The following DENND11 variants were observed in gnomAD, a reference collection of about 807,000 sequenced individuals.
The protein encoded by DENND11 is DENN domain-containing protein 11.
In DENND11, 34 loss-of-function variants were observed where a neutral mutation model predicts 49.2. The observed-to-expected ratio is 0.69, with a 90% CI of 0.53 to 0.92. DENND11 has a LOEUF of 0.92. Among genes scored for constraint, DENND11 ranks in the 40% least tolerant of loss-of-function variants. DENND11 has a pLI of 0.00. For missense variants in DENND11, 475 were observed against 581.6 expected (o/e 0.82, Z 1.88); for synonymous variants, 238 against 230.3 (o/e 1.03, Z -0.30).
chr7:141,665,660 G>T (rs1288313359), intron 5 of DENND11, among the ~76,000 whole-genome samples: 5 of 151,996 alleles, frequency 3.3e-5, no homozygotes, highest in African/African-American at 4.8e-5. Flanking sequence ...AGTCCTTTCT[G>T]TCCTTCCACC....
intron 4 of DENND11, among the ~76,000 whole-genome samples, chr7:141,671,456 C>T (rs1267340392): frequency 1.2e-4 from 18 of 152,202 alleles, no homozygotes; most frequent in African/African-American, 4.1e-4. Flanking sequence ...GGATTACAGG[C>T]GTGAGCCACC....
intron 1 of DENND11, among the ~76,000 whole-genome samples, chr7:141,687,489 A>T (rs577713298): frequency 6.7e-6 from 1 of 149,558 alleles, no homozygotes; most frequent in East Asian, 2.0e-4. Context: ...CTCGAGACTG[A>T]GTTTCACTTT....
rs1241410183 is a variant in DENND11 at position 141,657,759 on chromosome 7, C to T, written c.*4897G>A. On this transcript the variant is annotated 3_prime_UTR_variant, in exon 9 of 9. Coordinates refer to ENST00000536163, the MANE Select transcript of DENND11 (RefSeq NM_001080392.2). Reference sequence around the variant, plus strand: ...AAAGAGGAAAGCAAGGCTTTTGTCTCCATCATCATTTCTTTATATAGCACT... The same window carrying T: ...AAAGAGGAAAGCAAGGCTTTTGTCTTCATCATCATTTCTTTATATAGCACT... The T allele has an allele frequency of 1.3e-5, 2 of 152,584 alleles. No individual in the cohort carries two copies. The highest frequency in any genetic ancestry group is 4.8e-5 in the African/African-American group (2 of 41,446). 9.5% of individuals were successfully genotyped at this position (152,584 alleles called of 1,614,324 possible).
In DENND11 at chr7:141,690,335, A is replaced by G. The variant is rs141704759; in HGVS notation, c.269-3677T>C. 1.7e-4 allele frequency among the ~76,000 whole-genome samples: 26 copies of G among 152,324 alleles called. No homozygotes were observed. In the East Asian group the frequency reaches 4.8e-3, roughly 28 times the overall value. ...CATCACCAAAGCTGGATACAGTAACAGCCTGATCCGCGTTCCCACCTATCT... is the reference window on the plus strand; with the variant it reads ...CATCACCAAAGCTGGATACAGTAACGGCCTGATCCGCGTTCCCACCTATCT... On this transcript the variant is annotated intron_variant, in intron 1 of 8. Transcript: ENST00000536163.
chr7:141,682,219 CTGAA>C (rs1345386887), intron 3 of DENND11, among the ~76,000 whole-genome samples: 1 of 152,168 alleles, frequency 6.6e-6, no homozygotes. Flanking sequence ...GAAGCATGAA[CTGAA>C]TGAGACTCTG....
At chr7:141,673,719 T>C (rs545339730) in intron 4 of DENND11, among the ~76,000 whole-genome samples, 1 of 152,348 alleles carries the variant, frequency 6.6e-6, no homozygotes, top group Non-Finnish European at 1.5e-5. Flanking sequence ...AGAAGTGTCT[T>C]AACTAAGAAA....
Position 141,685,499 on chromosome 7 carries a change from T to G in DENND11, c.506A>C (p.His169Pro), listed in dbSNP as rs771927906. 1 of 1,613,876 alleles carries G rather than the reference T, an allele frequency of 6.2e-7. No individual in the cohort carries two copies. Among genetic ancestry groups the G allele is most frequent in the Non-Finnish European group, 8.5e-7 (1 of 1,179,886 alleles). ...GTACCGAACCTGGTTCTCCAAGAAG[T>G]GCATGTAGCGGTAAAGCAGTGTGTA... Reference protein sequence around the residue: ...PSYTLLYRYMHFLENQVRHQL... With the variant: ...PSYTLLYRYMPFLENQVRHQL... The change falls in exon 3 of 9, where the codon CAC becomes CCC. Residue 169 changes from histidine to proline, a missense_variant. Coordinates refer to ENST00000536163, the MANE Select transcript of DENND11 (RefSeq NM_001080392.2).
rs79765500 is a variant in DENND11 at position 141,665,810 on chromosome 7, C to T, written c.820+477G>A. On this transcript the variant is annotated intron_variant, in intron 5 of 8. Coordinates refer to ENST00000536163, the MANE Select transcript of DENND11 (RefSeq NM_001080392.2). ...CTCCAGCTCAAACGCCCACAGGTCC[C>T]GACCCAGCTAGGCAGGGTGGGCAGA... 4.5e-3 allele frequency among the ~76,000 whole-genome samples: 677 copies of T among 151,852 alleles called. 7 individuals are homozygous for T. Among genetic ancestry groups the T allele is most frequent in the African/African-American group, 0.016 (646 of 41,374 alleles).
At position 141,686,620 on chromosome 7, in the gene DENND11, G is replaced by C. The variant is rs1798247082; in HGVS notation, c.307C>G (p.Leu103Val). 5 of 1,613,210 alleles carry C rather than the reference G, an allele frequency of 3.1e-6. No homozygotes were observed. Among genetic ancestry groups the C allele is most frequent in the Non-Finnish European group, 4.2e-6 (5 of 1,179,464 alleles). The change falls in exon 2 of 9, where the codon CTT becomes GTT. Residue 103 changes from leucine (L) to valine (V), a missense_variant. Transcript: ENST00000536163. ...VEWCLPQDID[L>V]EGVEFKSMAS... The stretch of plus-strand genomic sequence containing the variant: ...ATAGACTTGAACTCAACACCTTCAA[G>C]GTCAATATCTTGAGGTAAGCACCAT...
At chr7:141,665,510 C>T (rs1201184632) in intron 5 of DENND11, among the ~76,000 whole-genome samples, 192 bp from the exon 6 acceptor site, 4 of 152,174 alleles carry the variant, frequency 2.6e-5, no homozygotes, top group Non-Finnish European at 5.9e-5. Context: ...CTCAAGGTGA[C>T]GTCAACAACG....
intron 4 of DENND11, among the ~76,000 whole-genome samples, chr7:141,673,299 A>G (rs147356353): frequency 0.022 from 3,426 of 152,324 alleles, 65 homozygotes; most frequent in Non-Finnish European, 0.037. Context: ...TGCAACAGGT[A>G]CAGATAAATA....
chr7:141,692,627 C>T (rs1759182418), intron 1 of DENND11, among the ~76,000 whole-genome samples: 1 of 151,872 alleles, frequency 6.6e-6, no homozygotes, highest in Non-Finnish European at 1.5e-5. Context: ...AAAATTTATT[C>T]AATATGGAAA....
Position 141,664,198 on chromosome 7 carries a change from G to A in DENND11, c.1146C>T (p.Asn382=). 1.3e-6 allele frequency: 2 copies of A among 1,585,074 alleles called. No homozygotes were observed. Among genetic ancestry groups the A allele is most frequent in the Non-Finnish European group, 1.7e-6 (2 of 1,164,044 alleles). Reference sequence around the variant, plus strand: ...GCACGAAGAGGTCCTCTTCACAAGGGTTGTAGTCTTCTTCTACTTCCTGGG... The same window carrying A: ...GCACGAAGAGGTCCTCTTCACAAGGATTGTAGTCTTCTTCTACTTCCTGGG... ...LYSQEVEEDY[N]PCEEDLFVLF... The change falls in exon 8 of 9, where the codon AAC becomes AAT. Residue 382 remains asparagine (N), a synonymous_variant. Coordinates refer to ENST00000536163, the MANE Select transcript of DENND11 (RefSeq NM_001080392.2).
In DENND11 at chr7:141,701,955, G is replaced by C; in HGVS notation, c.199C>G (p.Leu67Val). 8.4e-7 allele frequency: 1 copy of C among 1,186,880 alleles called. No homozygotes were observed. Among genetic ancestry groups the C allele is most frequent in the Non-Finnish European group, 1.0e-6 (1 of 959,424 alleles). The allele number at this position is 1,186,880 out of a possible 1,614,324, so 73.5% of individuals were successfully genotyped here. Residue 67 changes from leucine (L) to valine (V), a missense_variant, in exon 1 of 9, where the codon CTG becomes GTG. By Grantham distance (32) the Leu-to-Val change is conservative. Transcript: ENST00000536163. ...TCCTCCTCCACGTCGCCCAGCTCCA[G>C]GCGCCCGGGCTGCAGCAGCACCTCC... ...APEVLLQPGRLELGDVEEDQV... is the reference protein window; with the variant it reads ...APEVLLQPGRVELGDVEEDQV...
intron 4 of DENND11, among the ~76,000 whole-genome samples, chr7:141,671,359 T>G (rs746731809): frequency 9.9e-5 from 15 of 152,156 alleles, no homozygotes; most frequent in Non-Finnish European, 1.0e-4. Flanking sequence ...GTATTTTTAG[T>G]AGAGATGGGG....
chr7:141,690,858 G>A (rs1018767758), intron 1 of DENND11, among the ~76,000 whole-genome samples: 3 of 152,050 alleles, frequency 2.0e-5, no homozygotes, highest in East Asian at 1.9e-4. Flanking sequence ...ACTCTGCATC[G>A]TGAATCTCCG....
intron 3 of DENND11, among the ~76,000 whole-genome samples, chr7:141,683,618 G>C (rs762287782): frequency 6.6e-6 from 1 of 152,192 alleles, no homozygotes; most frequent in Non-Finnish European, 1.5e-5. Context: ...CCTCCAGCCT[G>C]GGCGACAGAG....
intron 4 of DENND11, among the ~76,000 whole-genome samples, chr7:141,670,373 C>G (rs1029720430): frequency 1.3e-5 from 2 of 152,080 alleles, no homozygotes; most frequent in Non-Finnish European, 2.9e-5. Context: ...CCCCTAATAC[C>G]ATATTCTCAG....
At chr7:141,695,447 G>A (rs1798398338) in intron 1 of DENND11, among the ~76,000 whole-genome samples, 1 of 152,202 alleles carries the variant, frequency 6.6e-6, no homozygotes, top group Admixed American at 6.5e-5. Context: ...AGCGCTATCA[G>A]GGCTTGAAGT....
Sources: gnomAD v4.1 joint callset for allele counts (sites outside exome capture counted in the v4.1 genomes callset) on GRCh38, gnomAD v4.1.1 for gene constraint, MANE v1.5 for transcripts, NCBI Gene and HGNC (gene_info 2026-07-23, HGNC 2026-07-21) for gene names.